Variants in TRABD2B observed in about 807,000 individuals in gnomAD.
The protein encoded by TRABD2B is TraB domain containing 2B, also known as metalloprotease TIKI2.
Under a neutral mutation model 40.1 loss-of-function variants are expected in TRABD2B, and 14 were observed. The observed-to-expected ratio is 0.35, with a 90% confidence interval of 0.23 to 0.55. The LOEUF is 0.55. Ranked by LOEUF, TRABD2B falls within the 20% of genes least tolerant of loss-of-function variation. The probability of loss-of-function intolerance (pLI) is 0.90; values close to 1 mark genes in which losing one functional copy is unlikely to be tolerated. For missense variants in TRABD2B, 541 were observed against 648.6 expected, an observed-to-expected ratio of 0.83 and a Z score of 1.80; for synonymous variants, 263 against 277.0, an observed-to-expected ratio of 0.95 and a Z score of 0.50.
intron 2 of TRABD2B, among the ~76,000 whole-genome samples, chr1:47,975,832 C>A (rs1193098887): frequency 6.6e-6 from 1 of 152,088 alleles, no homozygotes; most frequent in East Asian, 1.9e-4. Flanking sequence ...GTCAAAGAGG[C>A]CTTCCTGCAG....
At chr1:47,906,072 G>C (rs558181886) in intron 2 of TRABD2B, among the ~76,000 whole-genome samples, 1 of 152,278 alleles carries the variant, frequency 6.6e-6, no homozygotes, top group South Asian at 2.1e-4. Flanking sequence ...CCTTGCTCAA[G>C]GTCATACCTC....
Position 47,826,338 on chromosome 1 carries a change from G to A in TRABD2B, c.667-24719C>T, listed in dbSNP as rs557972290. Among the ~76,000 whole-genome samples the A allele has an allele frequency of 4.6e-5, 7 of 152,132 alleles. No homozygotes were observed. The East Asian group carries it at 1.3e-3, about 29-fold the overall frequency. ...AATATGAAATATATTTAAGTGGGGT[G>A]CAAATCTGGGGTCTCACTAATTCTC... On this transcript the variant is annotated intron_variant, in intron 2 of 6. Coordinates refer to ENST00000606738, the MANE Select transcript of TRABD2B (RefSeq NM_001194986.2).
intron 2 of TRABD2B, among the ~76,000 whole-genome samples, chr1:47,905,674 G>A (rs542157134): frequency 1.3e-5 from 2 of 152,158 alleles, no homozygotes; most frequent in South Asian, 4.2e-4. Context: ...TTCTCTCTCT[G>A]TATGTCTATC....
At chr1:47,861,447 G>T (rs1286483708) in intron 2 of TRABD2B, among the ~76,000 whole-genome samples, 1 of 152,040 alleles carries the variant, frequency 6.6e-6, no homozygotes, top group Non-Finnish European at 1.5e-5. Flanking sequence ...AGAAATAAAG[G>T]AGGGTACTTC....
intron 2 of TRABD2B, among the ~76,000 whole-genome samples, chr1:47,897,659 C>G (rs908354931): frequency 3.3e-5 from 5 of 152,176 alleles, no homozygotes; most frequent in African/African-American, 1.2e-4. Context: ...TTGTCCTTAT[C>G]ACAGCTCAAT....
chr1:47,989,921 A>G (rs1348563936), intron 2 of TRABD2B, among the ~76,000 whole-genome samples: 1 of 152,200 alleles, frequency 6.6e-6, no homozygotes, highest in Non-Finnish European at 1.5e-5. Flanking sequence ...TCACAGCCAA[A>G]TGACTTCACC....
intron 2 of TRABD2B, among the ~76,000 whole-genome samples, chr1:47,960,883 A>C (rs1170692315): frequency 6.6e-6 from 1 of 152,114 alleles, no homozygotes; most frequent in Non-Finnish European, 1.5e-5. Context: ...TATGGAACCA[A>C]AAAAGAGCCC....
intron 2 of TRABD2B, among the ~76,000 whole-genome samples, chr1:47,872,034 C>T (rs1361845264): frequency 6.6e-6 from 1 of 152,196 alleles, no homozygotes; most frequent in African/African-American, 2.4e-5. Context: ...AGCCATTGAA[C>T]TCTGGGCTCC....
intron 2 of TRABD2B, among the ~76,000 whole-genome samples, chr1:47,880,470 A>G (rs1304090742): frequency 1.3e-5 from 2 of 152,230 alleles, no homozygotes; most frequent in Non-Finnish European, 2.9e-5. Flanking sequence ...TGAGACAATC[A>G]GTTTTGTTTT....
chr1:47,799,323 A>T (rs187879559), intron 3 of TRABD2B, among the ~76,000 whole-genome samples: 54 of 152,222 alleles, frequency 3.5e-4, no homozygotes, highest in African/African-American at 7.5e-4. Flanking sequence ...TCAGCAGATG[A>T]AGCAGGGTGG....
intron 2 of TRABD2B, among the ~76,000 whole-genome samples, chr1:47,974,019 G>C (rs1469888024): frequency 6.6e-6 from 1 of 152,120 alleles, no homozygotes; most frequent in Non-Finnish European, 1.5e-5. Flanking sequence ...TAGGAGGATA[G>C]CTTGAGCCTG....
intron 2 of TRABD2B, among the ~76,000 whole-genome samples, chr1:47,833,856 A>G (rs866857438): frequency 6.6e-5 from 10 of 152,256 alleles, no homozygotes; most frequent in Admixed American, 6.5e-4. Context: ...ACACAGACAA[A>G]AATGGTCAGA....
At chr1:47,847,659 C>T (rs56019609) in intron 2 of TRABD2B, among the ~76,000 whole-genome samples, 4,149 of 152,256 alleles carry the variant, frequency 0.027, 88 homozygotes, top group Non-Finnish European at 0.04. Flanking sequence ...GGATCTGGGC[C>T]TCAGAAAAAA....
chr1:47,823,401 C>T (rs1312050646), intron 2 of TRABD2B, among the ~76,000 whole-genome samples: 2 of 152,248 alleles, frequency 1.3e-5, no homozygotes, highest in East Asian at 3.9e-4. Flanking sequence ...GGCTTCAGAG[C>T]TCTGCCAGCT....
chr1:47,939,979 G>A (rs1645163889), intron 2 of TRABD2B, among the ~76,000 whole-genome samples: 1 of 152,090 alleles, frequency 6.6e-6, no homozygotes, highest in African/African-American at 2.4e-5. Flanking sequence ...CAATGCCCCA[G>A]GAAACACTCT....
At chr1:47,809,573 G>A (rs1644936233) in intron 2 of TRABD2B, among the ~76,000 whole-genome samples, 1 of 152,146 alleles carries the variant, frequency 6.6e-6, no homozygotes, top group South Asian at 2.1e-4. Flanking sequence ...CTCTGGCCTG[G>A]GGGACATTTC....
chr1:47,874,373 C>T (rs1462326631), intron 2 of TRABD2B, among the ~76,000 whole-genome samples: 2 of 145,720 alleles, frequency 1.4e-5, no homozygotes, highest in Non-Finnish European at 3.0e-5. Context: ...CCCGGGTTCA[C>T]GCCATTCTCC....
intron 2 of TRABD2B, among the ~76,000 whole-genome samples, chr1:47,871,632 A>G (rs1644142154): frequency 6.6e-6 from 1 of 152,124 alleles, no homozygotes; most frequent in South Asian, 2.1e-4. Context: ...ACAGGTGGGA[A>G]GATGTGTTGG....
intron 2 of TRABD2B, among the ~76,000 whole-genome samples, chr1:47,955,482 C>T (rs1055343169): frequency 1.3e-5 from 2 of 152,218 alleles, no homozygotes; most frequent in African/African-American, 4.8e-5. Flanking sequence ...GCCTTCAAAG[C>T]TCCCCATTCT....
Sources: gnomAD v4.1 joint callset for allele counts (sites outside exome capture counted in the v4.1 genomes callset) on GRCh38, gnomAD v4.1.1 for gene constraint, MANE v1.5 for transcripts, NCBI Gene and HGNC (gene_info 2026-07-23, HGNC 2026-07-21) for gene names.